The following HDGFL3 variants were observed in gnomAD, a reference collection of about 807,000 sequenced individuals.
HDGFL3 encodes HDGF like 3.
In HDGFL3, 6 loss-of-function variants were observed where a neutral mutation model predicts 27.6. The observed-to-expected ratio is 0.22, with a 90% CI of 0.12 to 0.43. The LOEUF (loss-of-function observed/expected upper bound fraction) is 0.43. Among genes scored for constraint, HDGFL3 ranks in the 20% least tolerant of loss-of-function variants. HDGFL3 has a pLI of 1.00. For missense variants in HDGFL3, 207 were observed against 250.1 expected (o/e 0.83, Z 1.16); for synonymous variants, 88 against 88.9 (o/e 0.99, Z 0.05).
Position 83,155,093 on chromosome 15 carries a change from G to A in HDGFL3, c.459+2322C>T, listed in dbSNP as rs755697564. 4.6e-5 allele frequency among the ~76,000 whole-genome samples: 7 copies of A among 152,140 alleles called. 1 individual carries two copies. Among genetic ancestry groups the A allele is most frequent in the Non-Finnish European group, 1.0e-4 (7 of 68,014 alleles). On this transcript the variant is annotated intron_variant, in intron 4 of 5. Coordinates refer to ENST00000299633, the MANE Select transcript of HDGFL3 (RefSeq NM_016073.4). ...TTGCCCAGGCTGGTCTCAAACTCCTGGGCTCAAGAGATCCACTTGTCTCAG... is the reference window on the plus strand; with the variant it reads ...TTGCCCAGGCTGGTCTCAAACTCCTAGGCTCAAGAGATCCACTTGTCTCAG...
chr15:83,157,634 T>G, intron 3 of HDGFL3, 61 bp from the exon 4 acceptor site: 1 of 1,409,034 alleles, frequency 7.1e-7, no homozygotes. Context: ...GAACAAACAC[T>G]GAAAAGAACT....
chr15:83,125,159 G>GA (rs1481735594), downstream of HDGFL3, among the ~76,000 whole-genome samples: 7 of 152,188 alleles, frequency 4.6e-5, no homozygotes, highest in East Asian at 1.3e-3. Context: ...GTGTTCTCAG[G>GA]AGTAGGGGCA....
At position 83,157,966 on chromosome 15, in the gene HDGFL3, T is replaced by G; in HGVS notation, c.237A>C (p.Lys79Asn). The G allele has an allele frequency of 6.2e-7, 1 of 1,612,620 alleles. No homozygotes were observed. The highest frequency in any genetic ancestry group is 8.5e-7 in the Non-Finnish European group (1 of 1,178,982). Residue 79 changes from lysine to asparagine, a missense_variant, in exon 3 of 6, where the codon AAA becomes AAC. Physicochemically the swap from Lys to Asn is moderately conservative, Grantham distance 94. Transcript: ENST00000299633. Reference protein sequence around the residue: ...KDKFGKSNKRKGFNEGLWEIE... With the variant: ...KDKFGKSNKRNGFNEGLWEIE... ...TTTCCCACAATCCTTCGTTAAATCC[T>G]TTCCGTTTGTTTGACTTTCCAAACT...
intron 5 of HDGFL3, among the ~76,000 whole-genome samples, chr15:83,147,755 A>G (rs184779403): frequency 6.6e-6 from 1 of 152,362 alleles, no homozygotes; most frequent in African/African-American, 2.4e-5. Context: ...AATGCTAGCC[A>G]TAAAAGGAAA....
rs985756911 is a variant in HDGFL3 at position 83,207,316 on chromosome 15, G to T, written c.84+15C>A. The stretch of plus-strand genomic sequence containing the variant: ...ATGGTGGGCGGGCGGGCCCGCGCGC[G>T]GCCGCGGTACTCACCCGGGCCGGCC... On this transcript the variant is annotated intron_variant, in intron 1 of 5. Coordinates refer to ENST00000299633, the MANE Select transcript of HDGFL3 (RefSeq NM_016073.4). This position sits in a 1 kb window ranked among gnomAD's most constrained non-coding sequence, Gnocchi z 4.8. 3 of 1,347,710 alleles carry T rather than the reference G, an allele frequency of 2.2e-6. No homozygotes were observed. The highest frequency in any genetic ancestry group is 3.0e-5 in the African/African-American group (2 of 65,632). The allele number at this position is 1,347,710 out of a possible 1,614,324, so 83.5% of individuals were successfully genotyped here.
At chr15:83,169,347 G>A (rs11259967) in intron 1 of HDGFL3, 65,136 of 277,286 alleles carry the variant, frequency 0.23, 8,236 homozygotes, top group African/African-American at 0.35. Context: ...CCCGGGAGGC[G>A]GAGCTTGCAG....
chr15:83,195,879 G>T (rs539893063), intron 1 of HDGFL3, among the ~76,000 whole-genome samples: 1 of 151,996 alleles, frequency 6.6e-6, no homozygotes, highest in South Asian at 2.1e-4. Flanking sequence ...GGATAAAGAT[G>T]TATTAGTGAA....
At chr15:83,203,856 A>G (rs1359114995) in intron 1 of HDGFL3, among the ~76,000 whole-genome samples, 1 of 151,268 alleles carries the variant, frequency 6.6e-6, no homozygotes, top group Non-Finnish European at 1.5e-5. Flanking sequence ...TATAAAGAAA[A>G]TTTAGATATA....
chr15:83,159,029 C>T (rs534493202), intron 2 of HDGFL3, among the ~76,000 whole-genome samples: 7 of 152,004 alleles, frequency 4.6e-5, no homozygotes, highest in Non-Finnish European at 1.0e-4. Flanking sequence ...TTAGTAGAGA[C>T]GGGGTTTCGC....
intron 1 of HDGFL3, among the ~76,000 whole-genome samples, chr15:83,186,328 T>C (rs1307802679): frequency 6.6e-6 from 1 of 152,218 alleles, no homozygotes; most frequent in Non-Finnish European, 1.5e-5. Flanking sequence ...GACAAGTGTG[T>C]TCATGATTCA....
chr15:83,112,796 G>C, exon 4 of HDGFL3: 1 of 1,612,668 alleles, frequency 6.2e-7, no homozygotes, highest in South Asian at 1.1e-5. Context: ...GGTCGTTGCA[G>C]TTCCTGGACT....
At chr15:83,140,939 A>G (rs1048482477) in intron 5 of HDGFL3, among the ~76,000 whole-genome samples, 1 of 152,184 alleles carries the variant, frequency 6.6e-6, no homozygotes, top group African/African-American at 2.4e-5. Flanking sequence ...TAGTATTAAT[A>G]CCCCAAACAA....
In HDGFL3 at chr15:83,130,163, C is replaced by T. The variant is rs777491797; in HGVS notation, c.*9107G>A. 9.0e-4 allele frequency: 137 copies of T among 152,212 alleles called. 1 individual carries two copies. The highest frequency in any genetic ancestry group is 2.9e-4 in the Non-Finnish European group (20 of 68,100). The allele number at this position is 152,212 out of a possible 1,614,324, so 9.4% of individuals were successfully genotyped here. A position where few individuals can be genotyped will look rare whatever the true frequency, so the allele number is the denominator to read the frequency against. On this transcript the variant is annotated 3_prime_UTR_variant, in exon 6 of 6. Coordinates refer to ENST00000299633, the MANE Select transcript of HDGFL3 (RefSeq NM_016073.4). Reference sequence around the variant, plus strand: ...TTGGACCTGGTCAAGTCTCAGGAGACAAATGGAAACAGCAGGAAAACCTAG... The same window carrying T: ...TTGGACCTGGTCAAGTCTCAGGAGATAAATGGAAACAGCAGGAAAACCTAG...
At chr15:83,188,528 A>AT (rs1377292372) in intron 1 of HDGFL3, among the ~76,000 whole-genome samples, 5 of 152,172 alleles carry the variant, frequency 3.3e-5, no homozygotes, top group Admixed American at 1.3e-4. Context: ...GGATTACAGT[A>AT]TTTTTTAAAA....
At chr15:83,177,543 G>C (rs971535246) in intron 1 of HDGFL3, among the ~76,000 whole-genome samples, 2 of 152,162 alleles carry the variant, frequency 1.3e-5, no homozygotes, top group Non-Finnish European at 2.9e-5. Flanking sequence ...CAGCAATTAT[G>C]TTCTGTAGTT....
At chr15:83,162,820 T>C (rs2037117665) in intron 2 of HDGFL3, among the ~76,000 whole-genome samples, 2 of 152,222 alleles carry the variant, frequency 1.3e-5, no homozygotes, top group Non-Finnish European at 2.9e-5. Context: ...GACCCTGAAT[T>C]TGAAGACTTA....
chr15:83,158,102 A>C lies in HDGFL3; in HGVS notation c.162-61T>G. 9 of 1,408,016 alleles carry C rather than the reference A, an allele frequency of 6.4e-6. No individual in the cohort carries two copies. In the Admixed American group the frequency reaches 8.4e-5, roughly 13 times the overall value. 87.2% of individuals were successfully genotyped at this position (1,408,016 alleles called of 1,614,324 possible). A position where few individuals can be genotyped will look rare whatever the true frequency, so the allele number is the denominator to read the frequency against. On this transcript the variant is annotated intron_variant, in intron 2 of 5. Transcript: ENST00000299633. Reference sequence around the variant, plus strand: ...GACCTTCAAAGGTAAGATATTTTAAATATCAGTATCAGTGAAGATGTCAGA... The same window carrying C: ...GACCTTCAAAGGTAAGATATTTTAACTATCAGTATCAGTGAAGATGTCAGA...
At chr15:83,171,768 T>C (rs2037249572) in intron 1 of HDGFL3, among the ~76,000 whole-genome samples, 1 of 152,138 alleles carries the variant, frequency 6.6e-6, no homozygotes, top group Non-Finnish European at 1.5e-5. Context: ...GGACAAGGGA[T>C]GAAAACCTAA....
chr15:83,195,957 A>G (rs1009829700), intron 1 of HDGFL3, among the ~76,000 whole-genome samples: 3 of 152,062 alleles, frequency 2.0e-5, no homozygotes, highest in Non-Finnish European at 2.9e-5. Context: ...TATGTGCTAG[A>G]AAGTATGAAA....
Sources: gnomAD v4.1 joint callset for allele counts (sites outside exome capture counted in the v4.1 genomes callset) on GRCh38, gnomAD v4.1.1 for gene constraint, Gnocchi (gnomAD v3.1) non-coding constraint, MANE v1.5 for transcripts, NCBI Gene and HGNC (gene_info 2026-07-23, HGNC 2026-07-21) for gene names.